The following SLC15A1 variants were observed in gnomAD, a reference collection of about 807,000 sequenced individuals.
The protein encoded by SLC15A1 is Caco-2 oligopeptide transporter.
In SLC15A1, 83 loss-of-function variants were observed where a neutral mutation model predicts 92.9. That is an observed-to-expected ratio of 0.89 (90% CI 0.75 to 1.07). The LOEUF (loss-of-function observed/expected upper bound fraction) is 1.07, where lower values mean the gene tolerates loss of function less well. SLC15A1 is among the 50% of genes least tolerant of loss of function. The pLI is 0.00. For missense variants in SLC15A1, 857 were observed against 880.1 expected (o/e 0.97, Z 0.33); for synonymous variants, 322 against 318.2 (o/e 1.01, Z -0.13).
rs957474574 is a variant in SLC15A1, at chr13:98,704,534, G to A, written c.1270-99C>T. The A allele has an allele frequency of 6.3e-6, 8 of 1,277,328 alleles. No individual in the cohort carries two copies. The African/African-American group carries it at 1.1e-4, about 17-fold the overall frequency. The allele number at this position is 1,277,328 out of a possible 1,614,324, so 79.1% of individuals were successfully genotyped here. ...AGTTATCTGATATTCTGCATTTCCA[G>A]GTTCATGTTCATAGATACCAAAAAA... On this transcript the variant is annotated intron_variant, in intron 16 of 22. Transcript: ENST00000376503.
intron 8 of SLC15A1, among the ~76,000 whole-genome samples, chr13:98,718,337 T>A: frequency 1.0e-5 from 1 of 96,380 alleles, no homozygotes; most frequent in South Asian, 3.5e-4. Flanking sequence ...TTTTTTTTTT[T>A]GAGACAGGGT....
intron 11 of SLC15A1, among the ~76,000 whole-genome samples, chr13:98,711,262 C>T (rs537100382): frequency 2.0e-5 from 3 of 152,286 alleles, no homozygotes; most frequent in South Asian, 2.1e-4. Context: ...TTTCCAATTG[C>T]TTTGGTTACT....
intron 15 of SLC15A1, among the ~76,000 whole-genome samples, chr13:98,707,735 A>T (rs1392042944): frequency 6.6e-6 from 1 of 151,870 alleles, no homozygotes; most frequent in Non-Finnish European, 1.5e-5. Flanking sequence ...TTACAAAAAA[A>T]TTTTAATAAA....
rs1236354911 is a variant in SLC15A1 at position 98,729,003 on chromosome 13, AAAAC to A, written c.5-2148_5-2145del. Among the ~76,000 whole-genome samples the A allele has an allele frequency of 5.1e-3, 746 of 145,224 alleles. 83 individuals are homozygous for A. Among genetic ancestry groups the A allele is most frequent in the Non-Finnish European group, 8.2e-3 (538 of 65,730 alleles). The stretch of plus-strand genomic sequence containing the variant: ...AAAAAAAAAAAAAAAAAAAAAAAAA[AAAAC>A]AACAAGCCCCAAAACAAAAAACAAA... On this transcript the variant is annotated intron_variant, in intron 1 of 22. Transcript: ENST00000376503.
At position 98,684,545 on chromosome 13, in the gene SLC15A1, CAAAAAAAAAAAAAA is replaced by C; in HGVS notation, c.*165_*178del. 1.1e-5 allele frequency: 2 copies of C among 188,408 alleles called. No individual in the cohort carries two copies. The highest frequency in any genetic ancestry group is 1.8e-5 in the Non-Finnish European group (2 of 109,252). The allele number at this position is 188,408 out of a possible 1,614,324, so 11.7% of individuals were successfully genotyped here. ...GGACAACAAGAGCAAAACTCTGTCTCAAAAAAAAAAAAAAAAAAAAAAAGAAAAGAAAAAGAAAA... is the reference window on the plus strand; with the variant it reads ...GGACAACAAGAGCAAAACTCTGTCTCAAAAAAAAAGAAAAGAAAAAGAAAA... On this transcript the variant is annotated 3_prime_UTR_variant, in exon 23 of 23. Coordinates refer to ENST00000376503, the MANE Select transcript of SLC15A1 (RefSeq NM_005073.4).
At chr13:98,729,018 A>C (rs1278988207) in intron 1 of SLC15A1, among the ~76,000 whole-genome samples, 3 of 146,488 alleles carry the variant, frequency 2.0e-5, no homozygotes. Flanking sequence ...AACAAGCCCC[A>C]AAACAAAAAA....
At chr13:98,706,285 G>A in intron 15 of SLC15A1, 32 bp from the exon 16 acceptor site, 2 of 1,607,366 alleles carry the variant, frequency 1.2e-6, no homozygotes, top group Non-Finnish European at 1.7e-6. Context: ...TGGCAGTGAG[G>A]TCTTCAATAC....
At position 98,726,495 on chromosome 13, in the gene SLC15A1, G is replaced by A. The variant is rs1446316200; in HGVS notation, c.22-46C>T. 4.5e-6 allele frequency: 7 copies of A among 1,552,200 alleles called. No individual in the cohort carries two copies. The East Asian group carries it at 9.3e-5, about 21-fold the overall frequency. ...ACAGGATTGAAATACACCCCCCACT[G>A]GTCCATAGCCACAAAGGAGCACCAG... On this transcript the variant is annotated intron_variant, in intron 2 of 22. Coordinates refer to ENST00000376503, the MANE Select transcript of SLC15A1 (RefSeq NM_005073.4).
chr13:98,702,816 T>C (rs1393619491), intron 17 of SLC15A1, among the ~76,000 whole-genome samples: 1 of 151,734 alleles, frequency 6.6e-6, no homozygotes, highest in African/African-American at 2.4e-5. Context: ...GGTGTGGTGA[T>C]GCACACTTGT....
chr13:98,687,206 T>G (rs2087935847), intron 21 of SLC15A1, among the ~76,000 whole-genome samples: 1 of 152,184 alleles, frequency 6.6e-6, no homozygotes, highest in Non-Finnish European at 1.5e-5. Flanking sequence ...AAACCTATCA[T>G]GAGGACATAG....
chr13:98,719,157 T>A, intron 8 of SLC15A1, 80 bp downstream of exon 8: 6 of 998,644 alleles, frequency 6.0e-6, no homozygotes, highest in Middle Eastern at 2.1e-4. Flanking sequence ...TTACATGCAC[T>A]TTAAAAAATT....
intron 1 of SLC15A1, among the ~76,000 whole-genome samples, chr13:98,748,891 C>G (rs1483978792): frequency 6.6e-6 from 1 of 152,222 alleles, no homozygotes; most frequent in Admixed American, 6.5e-5. Context: ...CTACCCTGCA[C>G]CTGAGACTCT....
At chr13:98,744,225 A>T (rs1362816748) in intron 1 of SLC15A1, among the ~76,000 whole-genome samples, 10 of 127,600 alleles carry the variant, frequency 7.8e-5, no homozygotes, top group Non-Finnish European at 1.4e-4. Context: ...TAGGTGACAG[A>T]GTGAGACTCT....
intron 7 of SLC15A1, chr13:98,721,007 ACGCCACTG>A (rs2088252822): frequency 1.3e-5 from 5 of 397,746 alleles, no homozygotes; most frequent in African/African-American, 1.0e-4. Flanking sequence ...AGCCAAGATC[ACGCCACTG>A]CGCTCCAGCG....
At chr13:98,721,255 C>A (rs548274838) in intron 7 of SLC15A1, 14 of 649,166 alleles carry the variant, frequency 2.2e-5, no homozygotes, top group Non-Finnish European at 3.8e-5. Flanking sequence ...AAGATGGATG[C>A]CCATGCTAAG....
chr13:98,702,403 C>T, intron 18 of SLC15A1, 77 bp downstream of exon 18: 1 of 968,702 alleles, frequency 1.0e-6, no homozygotes, highest in Admixed American at 1.8e-5. Context: ...ATCCTTGTTA[C>T]ATTTGGACTT....
chr13:98,703,173 G>A (rs2088083306), intron 17 of SLC15A1, among the ~76,000 whole-genome samples: 1 of 126,030 alleles, frequency 7.9e-6, no homozygotes, highest in South Asian at 3.4e-4. Flanking sequence ...CAGAAGGAAG[G>A]AAGGAAGGGA....
At chr13:98,711,716 CAATT>C (rs1178123644) in intron 11 of SLC15A1, 134 bp downstream of exon 11, 1 of 612,672 alleles carries the variant, frequency 1.6e-6, no homozygotes, top group African/African-American at 1.9e-5. Flanking sequence ...TGTGATCTAA[CAATT>C]AAACAAGTGA....
At chr13:98,729,738 A>G (rs1454824885) in intron 1 of SLC15A1, among the ~76,000 whole-genome samples, 1 of 152,182 alleles carries the variant, frequency 6.6e-6, no homozygotes, top group Non-Finnish European at 1.5e-5. Flanking sequence ...CACAATAAAC[A>G]AAGCCACAAC....
Sources: allele counts gnomAD v4.1 joint callset (sites outside exome capture counted in the v4.1 genomes callset), GRCh38; gene constraint gnomAD v4.1.1; transcripts MANE v1.5; gene names NCBI Gene and HGNC (gene_info 2026-07-23, HGNC 2026-07-21).